Variants in CATSPERB observed in about 807,000 individuals in gnomAD.
CATSPERB encodes cation channel sperm-associated auxiliary subunit beta.
CATSPERB carries 93 observed loss-of-function variants against 128.3 expected under a neutral mutation model. The observed-to-expected ratio is 0.72, with a 90% CI of 0.61 to 0.86. The LOEUF (loss-of-function observed/expected upper bound fraction) is 0.86. CATSPERB is among the 40% of genes least tolerant of loss of function. The pLI is 0.00. For missense variants in CATSPERB, 1,153 were observed against 1,329.5 expected, an observed-to-expected ratio of 0.87 and a Z score of 2.06; for synonymous variants, 381 against 448.8, an observed-to-expected ratio of 0.85 and a Z score of 1.91.
chr14:91,619,271 T>C (rs1466892428), intron 19 of CATSPERB, among the ~76,000 whole-genome samples: 1 of 152,128 alleles, frequency 6.6e-6, no homozygotes, highest in African/African-American at 2.4e-5. Flanking sequence ...AACAACTAGC[T>C]AACCATACAT....
intron 10 of CATSPERB, among the ~76,000 whole-genome samples, chr14:91,686,869 A>C: frequency 6.6e-6 from 1 of 152,224 alleles, no homozygotes. Flanking sequence ...CCAGCAATGG[A>C]TGATAATTTA....
Position 91,693,443 on chromosome 14 carries a change from T to C in CATSPERB, c.653A>G (p.His218Arg). ...GTTAAACCATGTGGTATCATAATCA[T>C]GCCAGAATCCACCAAAGGTTATGCC... ...YIGITFGGFW[H>R]DYDTTWFNMT... The change falls in exon 8 of 27, where the codon CAT becomes CGT. Residue 218 changes from histidine (H) to arginine (R), a missense_variant. Physicochemically the swap from His to Arg is conservative, Grantham distance 29. Transcript: ENST00000256343. 6.2e-7 allele frequency: 1 copy of C among 1,614,098 alleles called. No homozygotes were observed. Among genetic ancestry groups the C allele is most frequent in the Admixed American group, 1.7e-5 (1 of 60,010 alleles).
At chr14:91,653,038 T>C (rs904179764) in intron 15 of CATSPERB, among the ~76,000 whole-genome samples, 1 of 152,234 alleles carries the variant, frequency 6.6e-6, no homozygotes, top group African/African-American at 2.4e-5. Context: ...GGAGATTGTA[T>C]AACTGTAAAA....
chr14:91,700,507 A>G (rs768116112), intron 7 of CATSPERB, among the ~76,000 whole-genome samples: 1 of 152,122 alleles, frequency 6.6e-6, no homozygotes, highest in Non-Finnish European at 1.5e-5. Flanking sequence ...TTGCATGTCT[A>G]GTAGAATTTG....
intron 15 of CATSPERB, among the ~76,000 whole-genome samples, chr14:91,645,872 T>TA (rs1484074647): frequency 2.0e-5 from 3 of 149,960 alleles, no homozygotes; most frequent in Admixed American, 6.6e-5. Flanking sequence ...TCCGTGGGCG[T>TA]AGGACCCTCC....
At chr14:91,682,555 G>C (rs988609382) in intron 11 of CATSPERB, among the ~76,000 whole-genome samples, 1 of 152,142 alleles carries the variant, frequency 6.6e-6, no homozygotes, top group Non-Finnish European at 1.5e-5. Context: ...GGCTGCTTAT[G>C]GGCCTGTGGC....
intron 14 of CATSPERB, among the ~76,000 whole-genome samples, chr14:91,662,860 G>A (rs1386639623): frequency 1.3e-5 from 2 of 152,060 alleles, no homozygotes; most frequent in African/African-American, 4.8e-5. Context: ...GCTTATTTGT[G>A]TGTTTTCTCC....
In CATSPERB at chr14:91,622,003, G is replaced by T. The variant is rs77678746; in HGVS notation, c.1931-66C>A. ...TCCGATGTTTGCCAAACAAACTGAT[G>T]TACATAGCTAACAAATACACTGTTT... On this transcript the variant is annotated intron_variant, in intron 18 of 26. Transcript: ENST00000256343. 604 of 1,049,934 alleles carry T rather than the reference G, an allele frequency of 5.8e-4. 5 individuals carry two copies. In the African/African-American group the frequency reaches 8.9e-3, roughly 16 times the overall value. 65.0% of individuals were successfully genotyped at this position (1,049,934 alleles called of 1,614,324 possible).
At chr14:91,619,861 T>TTG (rs55687285) in intron 19 of CATSPERB, among the ~76,000 whole-genome samples, 3,901 of 138,992 alleles carry the variant, frequency 0.028, 67 homozygotes, top group Middle Eastern at 0.066. Context: ...TGTAATAAAA[T>TTG]TGTGTGTGTG....
At chr14:91,683,093 G>T (rs1424390330) in intron 11 of CATSPERB, among the ~76,000 whole-genome samples, 4 of 152,128 alleles carry the variant, frequency 2.6e-5, no homozygotes, top group African/African-American at 9.7e-5. Flanking sequence ...TAGCACGATT[G>T]GTATTTTGCT....
At chr14:91,704,839 T>C (rs1277635643) in intron 6 of CATSPERB, 138 bp from the exon 7 acceptor site, 6 of 791,726 alleles carry the variant, frequency 7.6e-6, no homozygotes, top group Non-Finnish European at 3.9e-6. Flanking sequence ...TCACTCTGCA[T>C]TGGTTAAAAA....
intron 16 of CATSPERB, among the ~76,000 whole-genome samples, chr14:91,637,217 T>G (rs1002280160): frequency 2.0e-5 from 3 of 151,982 alleles, no homozygotes; most frequent in African/African-American, 7.3e-5. Context: ...GCTGCTGGAG[T>G]TGACTTTGTT....
intron 16 of CATSPERB, among the ~76,000 whole-genome samples, chr14:91,636,970 C>T (rs1455428114): frequency 6.6e-6 from 1 of 152,176 alleles, no homozygotes; most frequent in African/African-American, 2.4e-5. Context: ...TCACTTGCTG[C>T]TCCTGATCTC....
At chr14:91,622,718 C>A (rs1037788845) in intron 18 of CATSPERB, among the ~76,000 whole-genome samples, 1 of 152,112 alleles carries the variant, frequency 6.6e-6, no homozygotes, top group Non-Finnish European at 1.5e-5. Context: ...AAAATCCTTT[C>A]CAATATTCCC....
intron 1 of CATSPERB, among the ~76,000 whole-genome samples, chr14:91,729,995 C>A (rs994292379): frequency 1.9e-4 from 29 of 152,296 alleles, no homozygotes; most frequent in Middle Eastern, 3.4e-3. Flanking sequence ...CCCTGGACAA[C>A]AGCAGGCTTG....
At chr14:91,627,745 G>A (rs191348214) in intron 17 of CATSPERB, among the ~76,000 whole-genome samples, 1 of 151,894 alleles carries the variant, frequency 6.6e-6, no homozygotes, top group African/African-American at 2.4e-5. Context: ...AGGCAGGAGG[G>A]TTGCTTGAGG....
Position 91,617,653 on chromosome 14 carries a change from C to T in CATSPERB, c.2344G>A (p.Asp782Asn). ...LLEVTAEVTFDDTDSYVITIS... is the reference protein window; with the variant it reads ...LLEVTAEVTFNDTDSYVITIS... ...GTTATTACATAACTGTCAGTATCATCAAAAGTCACTTCAGCTGTAACTTCC... is the reference window on the plus strand; with the variant it reads ...GTTATTACATAACTGTCAGTATCATTAAAAGTCACTTCAGCTGTAACTTCC... Residue 782 changes from aspartate to asparagine, a missense_variant, in exon 20 of 27, where the codon GAT becomes AAT. Coordinates refer to ENST00000256343, the MANE Select transcript of CATSPERB (RefSeq NM_024764.4). 1 of 1,601,660 alleles carries T rather than the reference C, an allele frequency of 6.2e-7. No individual in the cohort carries two copies. The highest frequency in any genetic ancestry group is 8.5e-7 in the Non-Finnish European group (1 of 1,175,448).
intron 20 of CATSPERB, 80 bp from the exon 21 acceptor site, chr14:91,610,757 G>T: frequency 7.7e-7 from 1 of 1,305,978 alleles, no homozygotes; most frequent in Admixed American, 2.0e-5. Context: ...ATCACATGTT[G>T]AAACCCCAAC....
At chr14:91,673,516 T>C (rs1466417512) in intron 12 of CATSPERB, among the ~76,000 whole-genome samples, 1 of 152,238 alleles carries the variant, frequency 6.6e-6, no homozygotes, top group Non-Finnish European at 1.5e-5. Context: ...ACTGAATCCC[T>C]GGTGTTTTAG....
Sources: allele counts gnomAD v4.1 joint callset (sites outside exome capture counted in the v4.1 genomes callset), GRCh38; gene constraint gnomAD v4.1.1; transcripts MANE v1.5; gene names NCBI Gene and HGNC (gene_info 2026-07-23, HGNC 2026-07-21).